SLC35F3: variants seen among roughly 807,000 people sequenced by gnomAD.
SLC35F3 encodes solute carrier family 35 member F3, also known as putative thiamine transporter SLC35F3.
Under a neutral mutation model 49.9 loss-of-function variants are expected in SLC35F3, and 25 were observed. That is an observed-to-expected ratio of 0.50 (90% CI 0.37 to 0.70). SLC35F3 has a LOEUF of 0.70. Among genes scored for constraint, SLC35F3 ranks in the 30% least tolerant of loss-of-function variants. The pLI is 0.00. For missense variants in SLC35F3, 525 were observed against 639.8 expected (o/e 0.82, Z 1.94); for synonymous variants, 275 against 265.4 (o/e 1.04, Z -0.35).
At chr1:234,032,912 C>T (rs1327719680) in intron 2 of SLC35F3, among the ~76,000 whole-genome samples, 1 of 152,056 alleles carries the variant, frequency 6.6e-6, no homozygotes. Context: ...AATGGTAGAT[C>T]GACTTTTATT....
intron 2 of SLC35F3, among the ~76,000 whole-genome samples, chr1:233,936,554 TTTC>T (rs1411334978): frequency 5.9e-5 from 9 of 151,280 alleles, no homozygotes; most frequent in Non-Finnish European, 8.9e-5. Context: ...CCTCCTCCTC[TTTC>T]TTCTTCTTCT....
chr1:233,917,839 T>C (rs1661996608), intron 2 of SLC35F3, among the ~76,000 whole-genome samples: 1 of 152,026 alleles, frequency 6.6e-6, no homozygotes, highest in Non-Finnish European at 1.5e-5. Context: ...CTAAGGGGAG[T>C]CTCTACATTT....
chr1:234,119,178 G>T (rs1665536898), intron 2 of SLC35F3, among the ~76,000 whole-genome samples: 2 of 152,024 alleles, frequency 1.3e-5, no homozygotes, highest in South Asian at 4.1e-4. Context: ...TAAGAGAAGG[G>T]GAGTGAATAC....
At chr1:234,089,468 C>A (rs912803539) in intron 2 of SLC35F3, among the ~76,000 whole-genome samples, 4 of 152,138 alleles carry the variant, frequency 2.6e-5, no homozygotes, top group Non-Finnish European at 5.9e-5. Context: ...GTGTTGAGTG[C>A]AGCTGGGAGA....
intron 2 of SLC35F3, among the ~76,000 whole-genome samples, chr1:234,006,732 A>G (rs1663636190): frequency 6.6e-6 from 1 of 152,168 alleles, no homozygotes; most frequent in African/African-American, 2.4e-5. Flanking sequence ...AGGGAGTGGA[A>G]GAAGAGATGA....
intron 2 of SLC35F3, among the ~76,000 whole-genome samples, chr1:234,139,955 A>AAAATAAAATAAAAT (rs1558239902): frequency 8.4e-5 from 10 of 119,636 alleles, no homozygotes; most frequent in Non-Finnish European, 1.0e-4. Flanking sequence ...TCAAAATAAT[A>AAAATAAAATAAAAT]AAATAAAATA....
In SLC35F3 at chr1:233,950,385, CAAAAAAAAAA is replaced by C. The variant is rs58271294; in HGVS notation, c.283+44642_283+44651del. Among the ~76,000 whole-genome samples, 4 of 31,382 alleles carry C rather than the reference CAAAAAAAAAA, an allele frequency of 1.3e-4. No homozygotes were observed. In the Admixed American group the frequency reaches 1.7e-3, roughly 13 times the overall value. 20.6% of individuals were successfully genotyped at this position (31,382 alleles called of 152,430 possible). On this transcript the variant is annotated intron_variant, in intron 2 of 7. Coordinates refer to ENST00000366618, the MANE Select transcript of SLC35F3 (RefSeq NM_173508.4). ...TGGGTGACAGAGCAAGACTCTGTCT[CAAAAAAAAAA>C]AAAAAAAAAAAAAATGAAAATAAGG...
intron 2 of SLC35F3, among the ~76,000 whole-genome samples, chr1:234,129,409 A>G (rs767124279): frequency 5.3e-4 from 80 of 152,236 alleles, no homozygotes; most frequent in Non-Finnish European, 9.7e-4. Context: ...GATGAGAACT[A>G]CAAAACTACA....
chr1:234,076,988 T>G (rs12033219), intron 2 of SLC35F3, among the ~76,000 whole-genome samples: 22,402 of 136,476 alleles, frequency 0.16, 2,547 homozygotes, highest in East Asian at 0.5. Flanking sequence ...AAGAAAGAGG[T>G]TTTTTTTTTG....
chr1:234,199,649 A>C (rs1666872035), intron 2 of SLC35F3, among the ~76,000 whole-genome samples: 1 of 152,232 alleles, frequency 6.6e-6, no homozygotes, highest in Non-Finnish European at 1.5e-5. Context: ...ATGGGATTAC[A>C]TCAACATAAA....
chr1:233,919,796 G>A (rs757383490), intron 2 of SLC35F3, among the ~76,000 whole-genome samples: 13 of 152,198 alleles, frequency 8.5e-5, no homozygotes, highest in African/African-American at 1.2e-4. Context: ...GCGGGGGTTG[G>A]TGTGGGGATG....
intron 4 of SLC35F3, among the ~76,000 whole-genome samples, chr1:234,310,349 T>C (rs1401450352): frequency 6.6e-6 from 1 of 152,138 alleles, no homozygotes; most frequent in Non-Finnish European, 1.5e-5. Context: ...CTGGGAACAA[T>C]GACATCACCC....
chr1:234,078,423 C>G (rs894921616), intron 2 of SLC35F3, among the ~76,000 whole-genome samples: 1 of 152,186 alleles, frequency 6.6e-6, no homozygotes, highest in Non-Finnish European at 1.5e-5. Flanking sequence ...TCACCAAGAT[C>G]ACCAGAGACC....
intron 3 of SLC35F3, among the ~76,000 whole-genome samples, chr1:234,292,433 C>T (rs767608127): frequency 1.3e-5 from 2 of 152,218 alleles, no homozygotes; most frequent in Non-Finnish European, 2.9e-5. Flanking sequence ...TCAAGGTCAT[C>T]GCCAATGTCT....
At chr1:234,108,761 A>ATTTATATATATCTTTTATATAT (rs1558231858) in intron 2 of SLC35F3, among the ~76,000 whole-genome samples, 2 of 101,616 alleles carry the variant, frequency 2.0e-5, no homozygotes, top group African/African-American at 6.9e-5. Flanking sequence ...AGATATATAT[A>ATTTATATATATCTTTTATATAT]AATATATATA....
At position 234,025,766 on chromosome 1, in the gene SLC35F3, C is replaced by G. The variant is rs148176563; in HGVS notation, c.283+120008C>G. Among the ~76,000 whole-genome samples the G allele has an allele frequency of 5.1e-3, 781 of 152,250 alleles. 10 individuals are homozygous for G. The highest frequency in any genetic ancestry group is 0.017 in the African/African-American group (715 of 41,554). On this transcript the variant is annotated intron_variant, in intron 2 of 7. Transcript: ENST00000366618. ...ATATTTTCTCCATTCTGTAGGTCGT[C>G]TGTTTACTCTGTTGATAGTTTCTTT...
At chr1:233,960,274 C>T (rs962516966) in intron 2 of SLC35F3, among the ~76,000 whole-genome samples, 6 of 152,238 alleles carry the variant, frequency 3.9e-5, no homozygotes, top group Admixed American at 3.3e-4. Flanking sequence ...GCAAGTCCCT[C>T]GTTTCCCCTC....
intron 3 of SLC35F3, among the ~76,000 whole-genome samples, chr1:234,294,427 A>G (rs1668559833): frequency 6.6e-6 from 1 of 152,194 alleles, no homozygotes; most frequent in South Asian, 2.1e-4. Flanking sequence ...ACTAAAATAA[A>G]TGCAGAGAGT....
chr1:233,912,516 G>A (rs981746617), intron 2 of SLC35F3, among the ~76,000 whole-genome samples: 90 of 151,864 alleles, frequency 5.9e-4, no homozygotes, highest in Admixed American at 7.9e-4. Context: ...CAAAAAAAAC[G>A]AAAAGGAGAT....
Sources: allele counts gnomAD v4.1 joint callset (sites outside exome capture counted in the v4.1 genomes callset), GRCh38; gene constraint gnomAD v4.1.1; transcripts MANE v1.5; gene names NCBI Gene and HGNC (gene_info 2026-07-23, HGNC 2026-07-21).